The following EIF4E3 variants were observed in gnomAD, a reference collection of about 807,000 sequenced individuals.
EIF4E3 encodes eukaryotic translation initiation factor 4E family member 3, also known as eukaryotic translation initiation factor 4E type 3.
A neutral mutation model predicts 31.7 loss-of-function variants in EIF4E3; 26 were observed. The observed-to-expected ratio is 0.82, with a 90% CI of 0.60 to 1.14. EIF4E3 has a LOEUF of 1.14. Ranked by LOEUF, EIF4E3 falls within the 50% of genes most tolerant of loss-of-function variation. The pLI is 0.00. For synonymous variants in EIF4E3, 128 were observed against 107.7 expected (o/e 1.19, Z -1.17); for missense variants, 304 against 270.9 (o/e 1.12, Z -0.86).
rs1484675004 is a variant in EIF4E3, at chr3:71,679,773, T to C, written c.*4909A>G. On this transcript the variant is annotated 3_prime_UTR_variant, in exon 7 of 7. Coordinates refer to ENST00000425534, the MANE Select transcript of EIF4E3 (RefSeq NM_001134651.2). ...ACGTTTTGAAAGTGACAATTAATTT[T>C]AGTGGAAATTCATTCCCAGGCTACT... The C allele has an allele frequency of 6.6e-6, 1 of 152,226 alleles. No individual in the cohort carries two copies. Among genetic ancestry groups the C allele is most frequent in the Non-Finnish European group, 1.5e-5 (1 of 68,030 alleles). 9.4% of individuals were successfully genotyped at this position (152,226 alleles called of 1,614,324 possible).
chr3:71,739,997 A>C (rs565278884), intron 1 of EIF4E3, among the ~76,000 whole-genome samples: 207 of 152,278 alleles, frequency 1.4e-3, no homozygotes, highest in African/African-American at 4.0e-3. Flanking sequence ...GTGTATGTGA[A>C]GAGGTATAAT....
At chr3:71,700,899 C>T (rs1367434790) in intron 2 of EIF4E3, among the ~76,000 whole-genome samples, 1 of 152,108 alleles carries the variant, frequency 6.6e-6, no homozygotes, top group African/African-American at 2.4e-5. Flanking sequence ...GCAGGTGGGG[C>T]CCCTGGGAGG....
At chr3:71,718,377 A>C (rs1178773532) in intron 1 of EIF4E3, among the ~76,000 whole-genome samples, 2 of 152,220 alleles carry the variant, frequency 1.3e-5, no homozygotes, top group Admixed American at 1.3e-4. Context: ...TACATCATTT[A>C]AAGGTTTTAT....
rs528549608 is a variant in EIF4E3, at chr3:71,681,448, C to A, written c.*3234G>T. The A allele has an allele frequency of 2.6e-5, 4 of 152,340 alleles. No homozygotes were observed. The South Asian group carries it at 8.3e-4, about 32-fold the overall frequency. The allele number at this position is 152,340 out of a possible 1,614,324, so 9.4% of individuals were successfully genotyped here. On this transcript the variant is annotated 3_prime_UTR_variant, in exon 7 of 7. Coordinates refer to ENST00000425534, the MANE Select transcript of EIF4E3 (RefSeq NM_001134651.2). ...TCATAGGAAGGTTATTTTCAAACTC[C>A]AAACCCCAGCACCACTTCTGTCTCT... is the stretch of plus-strand genomic sequence containing the variant.
chr3:71,724,123 A>G (rs1447897), intron 1 of EIF4E3, among the ~76,000 whole-genome samples: 112,376 of 152,160 alleles, frequency 0.74, 42,793 homozygotes, highest in East Asian at 1. Flanking sequence ...CTTAGCCAGA[A>G]TAGACACGGT....
chr3:71,728,499 GAC>G (rs1341558658), upstream of EIF4E3: 1 of 152,692 alleles, frequency 6.5e-6, no homozygotes, highest in African/African-American at 2.4e-5. Context: ...TCTAGGAAAT[GAC>G]AGAGGCGGGA....
chr3:71,662,510 C>T, the EIF4E3 span, among the ~76,000 whole-genome samples: 1 of 152,202 alleles, frequency 6.6e-6, no homozygotes, highest in Non-Finnish European at 1.5e-5. Context: ...ATGCAAAGCT[C>T]TGAATTTTCA....
In EIF4E3 at chr3:71,717,052, C is replaced by T. The variant is rs144956426; in HGVS notation, c.177-6568G>A. 1.1e-4 allele frequency among the ~76,000 whole-genome samples: 16 copies of T among 152,186 alleles called. No individual in the cohort carries two copies. In the East Asian group the frequency reaches 2.3e-3, roughly 22 times the overall value. On this transcript the variant is annotated intron_variant, in intron 1 of 6. Coordinates refer to ENST00000425534, the MANE Select transcript of EIF4E3 (RefSeq NM_001134651.2). ...ATTACCTGGCTATCTTTTATCAGAC[C>T]ACAGCACCACTTACAATCCATATGT...
intron 5 of EIF4E3, among the ~76,000 whole-genome samples, chr3:71,692,254 G>A (rs1365287963): frequency 6.6e-6 from 1 of 152,200 alleles, no homozygotes; most frequent in African/African-American, 2.4e-5. Flanking sequence ...TTAAAGATGA[G>A]GGGAGTGAGG....
At chr3:71,709,073 C>A (rs1578358034) in intron 2 of EIF4E3, among the ~76,000 whole-genome samples, 1 of 152,180 alleles carries the variant, frequency 6.6e-6, no homozygotes, top group East Asian at 1.9e-4. Flanking sequence ...GAACCAGATA[C>A]TGGGACCATA....
At position 71,752,156 on chromosome 3, in the gene EIF4E3, G is replaced by A. The variant is rs371091832; in HGVS notation, c.-291+1307C>T. On this transcript the variant is annotated intron_variant, in intron 1 of 7. Transcript: ENST00000295612. ...CCAAGGGCCTTACTATTCAAAGTAA[G>A]GTCAGCAGACCAACAGCATTAGTCT... Among the ~76,000 whole-genome samples the A allele has an allele frequency of 1.6e-4, 25 of 152,276 alleles. No individual in the cohort carries two copies. The East Asian group carries it at 4.8e-3, about 29-fold the overall frequency.
chr3:71,696,582 A>C lies in EIF4E3; in HGVS notation c.345-62T>G, dbSNP rs373339454. On this transcript the variant is annotated intron_variant, in intron 3 of 6. Transcript: ENST00000425534. ...ACTAAGTGATTCTACATACAGTTAG[A>C]TTAAATATCTCTTCATACATTTAGT... 789 of 1,560,460 alleles carry C rather than the reference A, an allele frequency of 5.1e-4. 4 individuals are homozygous for C. Among genetic ancestry groups the C allele is most frequent in the Non-Finnish European group, 5.9e-4 (673 of 1,133,104 alleles).
At position 71,684,527 on chromosome 3, in the gene EIF4E3, G is replaced by T; in HGVS notation, c.*155C>A. ...CACACAATCTCCCCCCACCCCACCT[G>T]CCACTTTGAGTCCTAATTGCCCATC... On this transcript the variant is annotated 3_prime_UTR_variant, in exon 7 of 7. Coordinates refer to ENST00000425534, the MANE Select transcript of EIF4E3 (RefSeq NM_001134651.2). 1 of 642,278 alleles carries T rather than the reference G, an allele frequency of 1.6e-6. No individual in the cohort carries two copies. Among genetic ancestry groups the T allele is most frequent in the Non-Finnish European group, 2.5e-6 (1 of 395,784 alleles). 39.8% of individuals were successfully genotyped at this position (642,278 alleles called of 1,614,324 possible).
At chr3:71,702,144 T>G (rs1419859649) in intron 2 of EIF4E3, among the ~76,000 whole-genome samples, 5 of 143,628 alleles carry the variant, frequency 3.5e-5, no homozygotes, top group Non-Finnish European at 6.1e-5. Context: ...CAGCCAAGAA[T>G]CAGGTCATGA....
chr3:71,688,120 T>C (rs2108015529), intron 6 of EIF4E3, among the ~76,000 whole-genome samples: 1 of 152,342 alleles, frequency 6.6e-6, no homozygotes, highest in South Asian at 2.1e-4. Context: ...CTCAGTTCTG[T>C]ATTACATACT....
rs747514588 is a variant in EIF4E3 at position 71,693,884 on chromosome 3, C to T, written c.463G>A (p.Ala155Thr). The T allele has an allele frequency of 4.5e-5, 71 of 1,573,622 alleles. No homozygotes were observed. Among genetic ancestry groups the T allele is most frequent in the Non-Finnish European group, 5.5e-5 (64 of 1,159,996 alleles). The change falls in exon 5 of 7, where the codon GCC becomes ACC. Residue 155 changes from alanine (A) to threonine (T), a missense_variant. Physicochemically the swap from Ala to Thr is moderately conservative, Grantham distance 58. Transcript: ENST00000425534. ...ATIGEQFTDCAAADDEVIGVS... is the reference protein window; with the variant it reads ...ATIGEQFTDCTAADDEVIGVS... ...CCGTGGGCTGCTTTACCTGCTGCGG[C>T]ACAGTCTGTGAACTGTTCCCCGATG...
chr3:71,738,989 T>TATAC (rs2049793008), intron 1 of EIF4E3, among the ~76,000 whole-genome samples: 1 of 136,538 alleles, frequency 7.3e-6, no homozygotes, highest in Non-Finnish European at 1.5e-5. Flanking sequence ...TATATATATA[T>TATAC]ATATATATAT....
intron 2 of EIF4E3, among the ~76,000 whole-genome samples, chr3:71,709,088 A>T (rs953193507): frequency 2.0e-5 from 3 of 149,120 alleles, no homozygotes; most frequent in African/African-American, 7.4e-5. Flanking sequence ...ACCATAGCCT[A>T]AAAAAAAAAT....
chr3:71,708,106 T>A, intron 2 of EIF4E3, among the ~76,000 whole-genome samples: 1 of 152,114 alleles, frequency 6.6e-6, no homozygotes, highest in Non-Finnish European at 1.5e-5. Context: ...ACTCCTGACC[T>A]CAAGTGATCC....
Sources: allele counts gnomAD v4.1 joint callset (sites outside exome capture counted in the v4.1 genomes callset), GRCh38; gene constraint gnomAD v4.1.1; transcripts MANE v1.5; gene names NCBI Gene and HGNC (gene_info 2026-07-23, HGNC 2026-07-21).